The following TOM1 variants were observed in gnomAD, a reference collection of about 807,000 sequenced individuals.
TOM1 encodes the protein target of Myb protein 1.
TOM1 carries 38 observed loss-of-function variants against 61.3 expected under a neutral mutation model. The ratio of observed to expected loss-of-function variants is 0.62; its 90% CI spans 0.48 to 0.81. TOM1 has a LOEUF of 0.81. Among genes scored for constraint, TOM1 ranks in the 40% least tolerant of loss-of-function variants. The pLI, the probability that TOM1 is intolerant of heterozygous loss-of-function variation, is 0.00. For missense variants in TOM1, 591 were observed against 659.6 expected (o/e 0.90, Z 1.14); for synonymous variants, 270 against 268.8 (o/e 1.00, Z -0.04).
chr22:35,323,260 C>T lies in TOM1; in HGVS notation c.366+83C>T, dbSNP rs763539486. ...CTGCCCAGTGGAGAGTCGAGGCCAT[C>T]GTGTTTGTCCCAGGCTCCGCTTCTC... is the stretch of plus-strand genomic sequence containing the variant. On this transcript the variant is annotated intron_variant, in intron 4 of 14. Transcript: ENST00000449058. The surrounding 1 kb of genome is among the most constrained non-coding windows in gnomAD (Gnocchi z 4.2). 5.2e-6 allele frequency: 8 copies of T among 1,536,720 alleles called. No individual in the cohort carries two copies. The highest frequency in any genetic ancestry group is 7.0e-6 in the Non-Finnish European group (8 of 1,138,698).
chr22:35,334,250 C>G (rs1034425127), intron 10 of TOM1, 78 bp from the exon 11 acceptor site: 93 of 1,542,332 alleles, frequency 6.0e-5, no homozygotes, highest in Non-Finnish European at 5.7e-5. Context: ...AGCCCTGGGT[C>G]TGGCAGCAGG....
rs1391838595 is a variant in TOM1 at position 35,347,192 on chromosome 22, A to G, written c.1462A>G (p.Met488Val). ...GAAGACCCAGGAGAAAGATGATGAC[A>G]TGCTGTTTGCCTTATGAGTGTGGGG... ...RKKTQEKDDD[M>V]LFAL The change falls in exon 15 of 15, where the codon ATG becomes GTG. Residue 488 changes from methionine (M) to valine (V), a missense_variant. Coordinates refer to ENST00000449058, the MANE Select transcript of TOM1 (RefSeq NM_005488.3). 2.2e-5 allele frequency: 36 copies of G among 1,611,118 alleles called. No homozygotes were observed. The highest frequency in any genetic ancestry group is 2.9e-5 in the Non-Finnish European group (34 of 1,178,516).
chr22:35,323,030 C>G lies in TOM1; in HGVS notation c.219C>G (p.Val73=). Residue 73 remains valine (V), a splice_region_variant and synonymous_variant, in exon 4 of 15, where the codon GTC becomes GTG. Transcript: ENST00000449058. This position sits in a 1 kb window ranked among gnomAD's most constrained non-coding sequence, Gnocchi z 4.2. ...GACGGCACCTCTCGGCCCTCCAGGTCTTAGAAACCTGTGTCAAGAACTGCG... is the reference window on the plus strand; with the variant it reads ...GACGGCACCTCTCGGCCCTCCAGGTGTTAGAAACCTGTGTCAAGAACTGCG... ...NFHEVMLALT[V]LETCVKNCGH... 6.2e-7 allele frequency: 1 copy of G among 1,613,998 alleles called. No homozygotes were observed. Among genetic ancestry groups the G allele is most frequent in the Non-Finnish European group, 8.5e-7 (1 of 1,180,024 alleles).
chr22:35,301,557 C>T (rs950540414), intron 1 of TOM1, among the ~76,000 whole-genome samples: 1 of 152,164 alleles, frequency 6.6e-6, no homozygotes, highest in African/African-American at 2.4e-5. Context: ...TTTTTGATGA[C>T]GACTTTTCGT....
At chr22:35,305,658 C>CA (rs137868113) in intron 1 of TOM1, among the ~76,000 whole-genome samples, 328 of 130,440 alleles carry the variant, frequency 2.5e-3, no homozygotes, top group African/African-American at 6.1e-3. Context: ...GACTCAATCT[C>CA]AAAAAAAAAA....
chr22:35,326,126 C>T (rs1928283042), intron 6 of TOM1, among the ~76,000 whole-genome samples: 1 of 152,156 alleles, frequency 6.6e-6, no homozygotes, highest in Admixed American at 6.6e-5. Context: ...AATATATGTT[C>T]AATGCTTGGC....
At chr22:35,342,987 CCTA>C (rs1930027723) in intron 12 of TOM1, among the ~76,000 whole-genome samples, 1 of 134,428 alleles carries the variant, frequency 7.4e-6, no homozygotes, top group South Asian at 2.5e-4. Flanking sequence ...CACTCATACA[CCTA>C]CACACCCCCA....
intron 12 of TOM1, among the ~76,000 whole-genome samples, chr22:35,341,716 G>T (rs1929896179): frequency 6.6e-6 from 1 of 152,172 alleles, no homozygotes; most frequent in Non-Finnish European, 1.5e-5. Context: ...GAGCCCAGGT[G>T]TCCTGGCTCC....
intron 2 of TOM1, among the ~76,000 whole-genome samples, chr22:35,321,074 G>A (rs1927735766): frequency 6.6e-6 from 1 of 151,396 alleles, no homozygotes; most frequent in Non-Finnish European, 1.5e-5. Context: ...TGCTAGCTGG[G>A]CTCAGGGACT....
At chr22:35,308,825 C>T (rs1350712190) in intron 1 of TOM1, among the ~76,000 whole-genome samples, 1 of 152,136 alleles carries the variant, frequency 6.6e-6, no homozygotes, top group Non-Finnish European at 1.5e-5. Flanking sequence ...GTTACATCGA[C>T]TTTAACATTG....
rs138783 is a variant in TOM1, at chr22:35,320,987, G to GAAAAAAAAA, written c.138-966_138-958dup. On this transcript the variant is annotated intron_variant, in intron 2 of 14. Coordinates refer to ENST00000449058, the MANE Select transcript of TOM1 (RefSeq NM_005488.3). The stretch of plus-strand genomic sequence containing the variant: ...ACAGAGTGAGACTCTGTCTCAGAAG[G>GAAAAAAAAA]AAAAAAAAAAAAAACTTGAATGGAA... Among the ~76,000 whole-genome samples the GAAAAAAAAA allele has an allele frequency of 1.6e-4, 14 of 88,948 alleles. 1 individual carries two copies. In the South Asian group the frequency reaches 6.0e-3, roughly 38 times the overall value. The allele number at this position is 88,948 out of a possible 152,430, so 58.4% of individuals were successfully genotyped here. A position where few individuals can be genotyped will look rare whatever the true frequency, so the allele number is the denominator to read the frequency against.
At chr22:35,337,345 A>G (rs1412456264) in intron 11 of TOM1, among the ~76,000 whole-genome samples, 1 of 151,988 alleles carries the variant, frequency 6.6e-6, no homozygotes, top group African/African-American at 2.4e-5. Flanking sequence ...AGCAACAAGC[A>G]CCTCCAGACC....
chr22:35,313,010 G>A (rs563424320), intron 1 of TOM1, among the ~76,000 whole-genome samples: 2 of 152,258 alleles, frequency 1.3e-5, no homozygotes, highest in South Asian at 4.2e-4. Context: ...GGGAGCGAGC[G>A]GGCTCCAGGC....
At chr22:35,345,689 C>G (rs571052339) in intron 12 of TOM1, 36 bp from the exon 13 acceptor site, 1 of 1,606,302 alleles carries the variant, frequency 6.2e-7, no homozygotes, top group African/African-American at 1.3e-5. Flanking sequence ...ACCTTGTCAC[C>G]TAGGGCACTG....
intron 2 of TOM1, 67 bp from the exon 3 acceptor site, chr22:35,321,892 C>T: frequency 7.3e-7 from 1 of 1,360,552 alleles, no homozygotes; most frequent in Non-Finnish European, 1.1e-6. Context: ...TTCCAACTCT[C>T]CAGGGTCTCT....
At chr22:35,316,324 C>CGTTA (rs1367883551) in intron 1 of TOM1, among the ~76,000 whole-genome samples, 2 of 152,226 alleles carry the variant, frequency 1.3e-5, no homozygotes, top group Admixed American at 1.3e-4. Flanking sequence ...TGTAATGGAA[C>CGTTA]GTTACCTGCA....
At chr22:35,307,696 G>A (rs1926446187) in intron 1 of TOM1, among the ~76,000 whole-genome samples, 1 of 152,172 alleles carries the variant, frequency 6.6e-6, no homozygotes, top group Non-Finnish European at 1.5e-5. Flanking sequence ...GGAGCCTGGA[G>A]TCTTCCCAGA....
intron 1 of TOM1, among the ~76,000 whole-genome samples, chr22:35,305,712 G>T (rs572028833): frequency 6.6e-6 from 1 of 151,808 alleles, no homozygotes; most frequent in Admixed American, 6.6e-5. Flanking sequence ...AACTGAATGT[G>T]CAGGGCTCCA....
At chr22:35,328,040 T>C (rs1928491930) in intron 7 of TOM1, among the ~76,000 whole-genome samples, 1 of 152,204 alleles carries the variant, frequency 6.6e-6, no homozygotes, top group African/African-American at 2.4e-5. Flanking sequence ...CCAGAATCCA[T>C]GAGGAGACAG....
Sources: gnomAD v4.1 joint callset for allele counts (sites outside exome capture counted in the v4.1 genomes callset) on GRCh38, gnomAD v4.1.1 for gene constraint, Gnocchi (gnomAD v3.1) non-coding constraint, MANE v1.5 for transcripts, NCBI Gene and HGNC (gene_info 2026-07-23, HGNC 2026-07-21) for gene names.